ZNF407: variants seen among roughly 807,000 people sequenced by gnomAD.
ZNF407 encodes the protein zinc finger protein 407.
ZNF407 carries 17 observed loss-of-function variants against 131.2 expected under a neutral mutation model. The observed-to-expected ratio is 0.13, with a 90% confidence interval of 0.09 to 0.19. ZNF407 has a LOEUF of 0.19. Among genes scored for constraint, ZNF407 ranks in the 10% least tolerant of loss-of-function variants. The probability of loss-of-function intolerance (pLI) is 1.00; values close to 1 mark genes in which losing one functional copy is unlikely to be tolerated. For synonymous variants in ZNF407, 1,156 were observed against 1,062.0 expected, an observed-to-expected ratio of 1.09 and a Z score of -1.72; for missense variants, 2,681 against 2,830.6, an observed-to-expected ratio of 0.95 and a Z score of 1.20.
At position 74,824,982 on chromosome 18, in the gene ZNF407, A is replaced by T. The variant is rs576618574; in HGVS notation, c.4877+43480A>T. On this transcript the variant is annotated intron_variant, in intron 4 of 8. Coordinates refer to ENST00000299687, the MANE Select transcript of ZNF407 (RefSeq NM_017757.3). Reference sequence around the variant, plus strand: ...CCTCAAGAAAATACTGGCAAACCAAATCCAGCAGCACATCAAAAAGCTTAT... The same window carrying T: ...CCTCAAGAAAATACTGGCAAACCAATTCCAGCAGCACATCAAAAAGCTTAT... 2.0e-5 allele frequency among the ~76,000 whole-genome samples: 3 copies of T among 152,324 alleles called. No individual in the cohort carries two copies. In the East Asian group the frequency reaches 5.8e-4, roughly 29 times the overall value.
intron 4 of ZNF407, among the ~76,000 whole-genome samples, chr18:74,852,205 ACGCACG>A (rs1295115979): frequency 1.7e-4 from 26 of 149,842 alleles, no homozygotes; most frequent in Non-Finnish European, 2.4e-4. Flanking sequence ...ACACGCACGC[ACGCACG>A]CGCACGCGCG....
At chr18:74,993,937 CT>C (rs1190162265) in intron 8 of ZNF407, among the ~76,000 whole-genome samples, 1 of 152,194 alleles carries the variant, frequency 6.6e-6, no homozygotes, top group East Asian at 1.9e-4. Context: ...GAGACAAAGA[CT>C]GGTGCACTAT....
chr18:74,634,143 A>G lies in ZNF407; in HGVS notation c.3124A>G (p.Lys1042Glu). ...GCTGCATGTAAAACGGAAACATACA[A>G]AAGAGTTTGAGTTTTATTGCATGGC... Reference protein sequence around the residue: ...LELHVKRKHTKEFEFYCMACD... With the variant: ...LELHVKRKHTEEFEFYCMACD... Residue 1042 changes from lysine (K) to glutamate (E), a missense_variant, in exon 2 of 9, where the codon AAA (lysine) becomes GAA (glutamate). This residue lies in a region of ZNF407 where 1,789 missense variants were observed against 1,748.7 expected (regional missense o/e 1.02). Coordinates refer to ENST00000299687, the MANE Select transcript of ZNF407 (RefSeq NM_017757.3). 6.2e-7 allele frequency: 1 copy of G among 1,614,020 alleles called. No individual in the cohort carries two copies. Among genetic ancestry groups the G allele is most frequent in the Non-Finnish European group, 8.5e-7 (1 of 1,179,890 alleles).
chr18:74,994,619 C>G (rs919350658), intron 8 of ZNF407, among the ~76,000 whole-genome samples: 23 of 152,224 alleles, frequency 1.5e-4, no homozygotes, highest in African/African-American at 2.4e-5. Context: ...GTGTGTCCAT[C>G]TGTGCAGAGA....
chr18:74,743,752 T>C (rs1968604189), intron 3 of ZNF407, among the ~76,000 whole-genome samples: 2 of 152,166 alleles, frequency 1.3e-5, no homozygotes, highest in Non-Finnish European at 2.9e-5. Flanking sequence ...ATATGTTGTG[T>C]CTGTTGCTTC....
chr18:74,816,189 T>C (rs988085499), intron 4 of ZNF407, among the ~76,000 whole-genome samples: 4 of 152,106 alleles, frequency 2.6e-5, no homozygotes, highest in Non-Finnish European at 4.4e-5. Flanking sequence ...AATTATCATA[T>C]TATATTTCTG....
At chr18:74,710,885 G>C (rs993643244) in intron 3 of ZNF407, among the ~76,000 whole-genome samples, 1 of 152,198 alleles carries the variant, frequency 6.6e-6, no homozygotes, top group African/African-American at 2.4e-5. Flanking sequence ...TGGAAAAACT[G>C]GCTCTGTGAA....
chr18:75,009,876 T>C (rs1972954300), intron 8 of ZNF407, among the ~76,000 whole-genome samples: 1 of 152,198 alleles, frequency 6.6e-6, no homozygotes, highest in Admixed American at 6.6e-5. Context: ...TCATAAGACT[T>C]TTGTTTTTGC....
chr18:74,784,473 A>C (rs545532870), intron 4 of ZNF407, among the ~76,000 whole-genome samples: 1 of 152,374 alleles, frequency 6.6e-6, no homozygotes, highest in African/African-American at 2.4e-5. Flanking sequence ...GGCTATCATT[A>C]GAAACAGAAA....
chr18:74,775,922 C>G (rs1025446202), intron 3 of ZNF407, among the ~76,000 whole-genome samples: 1 of 152,202 alleles, frequency 6.6e-6, no homozygotes, highest in Admixed American at 6.5e-5. Flanking sequence ...CTTGCGAGCT[C>G]TCTACAGTAC....
In ZNF407 at chr18:74,692,417, G is replaced by C. The variant is rs1967247413; in HGVS notation, c.4802+51295G>C. On this transcript the variant is annotated intron_variant, in intron 3 of 8. Transcript: ENST00000299687. ...AGGCCCCGCATGCCTGTGTCTCAGA[G>C]GGCTCTCCTTCCATGCTCGTGATCT... Among the ~76,000 whole-genome samples the C allele has an allele frequency of 3.9e-5, 6 of 152,202 alleles. No homozygotes were observed. In the South Asian group the frequency reaches 1.2e-3, roughly 32 times the overall value.
intron 4 of ZNF407, among the ~76,000 whole-genome samples, chr18:74,822,976 C>T (rs1328602493): frequency 6.6e-6 from 1 of 152,154 alleles, no homozygotes; most frequent in Admixed American, 6.5e-5. Flanking sequence ...TTGAAGAGGT[C>T]CTTCACATCC....
At chr18:74,694,297 C>T (rs1483996457) in intron 3 of ZNF407, among the ~76,000 whole-genome samples, 1 of 152,104 alleles carries the variant, frequency 6.6e-6, no homozygotes, top group Non-Finnish European at 1.5e-5. Context: ...GTGACCGTTT[C>T]GTGTCTCTTC....
At chr18:74,803,499 T>G (rs1832208063) in intron 4 of ZNF407, among the ~76,000 whole-genome samples, 1 of 152,224 alleles carries the variant, frequency 6.6e-6, no homozygotes, top group Non-Finnish European at 1.5e-5. Flanking sequence ...ACAAAATTCA[T>G]TTTGCATTGT....
intron 3 of ZNF407, among the ~76,000 whole-genome samples, chr18:74,733,719 A>G (rs1040029109): frequency 1.3e-5 from 2 of 152,210 alleles, no homozygotes; most frequent in Non-Finnish European, 2.9e-5. Flanking sequence ...AGCCTGGACT[A>G]TTGGAACTGA....
chr18:74,841,645 G>A (rs1214124497), intron 4 of ZNF407, among the ~76,000 whole-genome samples: 3 of 152,230 alleles, frequency 2.0e-5, no homozygotes, highest in African/African-American at 7.2e-5. Flanking sequence ...TGCTAATGAT[G>A]TTAATTGTAG....
chr18:74,767,252 A>C (rs998754792), intron 3 of ZNF407, among the ~76,000 whole-genome samples: 4 of 152,170 alleles, frequency 2.6e-5, no homozygotes, highest in Non-Finnish European at 5.9e-5. Context: ...AGTCTTTCTT[A>C]TTTTAATAGA....
intron 1 of ZNF407, among the ~76,000 whole-genome samples, chr18:74,619,292 C>T (rs1225744549): frequency 6.6e-6 from 1 of 152,186 alleles, no homozygotes; most frequent in Non-Finnish European, 1.5e-5. Flanking sequence ...TTGTGAGTTG[C>T]CCTGTGTCCT....
intron 8 of ZNF407, among the ~76,000 whole-genome samples, chr18:75,006,880 A>G (rs1362432639): frequency 1.3e-5 from 2 of 151,906 alleles, no homozygotes; most frequent in African/African-American, 4.8e-5. Context: ...AGATACAACT[A>G]TGTATAGAAT....
Sources: gnomAD v4.1 joint callset for allele counts (sites outside exome capture counted in the v4.1 genomes callset) on GRCh38, gnomAD v4.1.1 for gene constraint, gnomAD v4.1.1 regional missense constraint, MANE v1.5 for transcripts, NCBI Gene and HGNC (gene_info 2026-07-23, HGNC 2026-07-21) for gene names.